Variants in MAP3K15 observed in about 807,000 individuals in gnomAD.
The protein encoded by MAP3K15 is MAPK/ERK kinase kinase 15.
In MAP3K15, 124 loss-of-function variants were observed where a neutral mutation model predicts 99.5. The ratio of observed to expected loss-of-function variants is 1.25; its 90% CI spans 1.08 to 1.45. The LOEUF (loss-of-function observed/expected upper bound fraction) is 1.45, where lower values mean the gene tolerates loss of function less well. Ranked by LOEUF, MAP3K15 falls within the 40% of genes most tolerant of loss-of-function variation. The probability of loss-of-function intolerance (pLI) is 0.00; values close to 1 mark genes in which losing one functional copy is unlikely to be tolerated. For missense variants in MAP3K15, 1,242 were observed against 1,079.7 expected (o/e 1.15, Z -2.11); for synonymous variants, 494 against 439.6 (o/e 1.12, Z -1.55).
At chrX:19,416,516 G>A (rs1413913124) in intron 9 of MAP3K15, among the ~76,000 whole-genome samples, 3 of 111,749 alleles carry the variant, frequency 2.7e-5, no homozygotes, top group African/African-American at 6.5e-5. Context: ...CCCATAGAGA[G>A]TGCCACTAGT....
intron 1 of MAP3K15, among the ~76,000 whole-genome samples, chrX:19,514,336 A>T (rs1283193348): frequency 9.5e-6 from 1 of 105,108 alleles, no homozygotes; most frequent in Non-Finnish European, 1.9e-5. Flanking sequence ...AAGTTGGATA[A>T]CTTGGGAGAA....
chrX:19,398,484 T>A, intron 14 of MAP3K15, 125 bp from the exon 15 acceptor site: 1 of 736,156 alleles, frequency 1.4e-6, no homozygotes, highest in Non-Finnish European at 2.0e-6. Flanking sequence ...GTCAGGCAAG[T>A]CACAGTGCTT....
In MAP3K15 at chrX:19,360,676, G is replaced by T; in HGVS notation, c.*73C>A. The T allele has an allele frequency of 1.3e-6, 1 of 785,168 alleles. No individual in the cohort carries two copies. Among genetic ancestry groups the T allele is most frequent in the Non-Finnish European group, 1.9e-6 (1 of 518,799 alleles). 64.7% of individuals were successfully genotyped at this position (785,168 alleles called of 1,213,427 possible). On this transcript the variant is annotated 3_prime_UTR_variant, in exon 29 of 29. Transcript: ENST00000338883. ...AATATGTAAACACAGCGGAATTCGTGTATACACTAACAGAAGCTTTAACAA... is the reference window on the plus strand; with the variant it reads ...AATATGTAAACACAGCGGAATTCGTTTATACACTAACAGAAGCTTTAACAA...
intron 5 of MAP3K15, among the ~76,000 whole-genome samples, chrX:19,457,485 G>A (rs757164184): frequency 2.7e-5 from 3 of 111,291 alleles, no homozygotes; most frequent in African/African-American, 6.5e-5. Flanking sequence ...GGTGGCGGGC[G>A]CCTGGAATCC....
At chrX:19,470,443 C>T (rs777302097) in intron 3 of MAP3K15, among the ~76,000 whole-genome samples, 2 of 109,202 alleles carry the variant, frequency 1.8e-5, no homozygotes, top group East Asian at 5.8e-4. Flanking sequence ...GGTGCTATAC[C>T]TAATGCTAAA....
intron 6 of MAP3K15, among the ~76,000 whole-genome samples, chrX:19,436,447 T>C (rs1333865533): frequency 9.0e-6 from 1 of 111,461 alleles, no homozygotes; most frequent in Non-Finnish European, 1.9e-5. Flanking sequence ...TCTTTTCACA[T>C]TGGAGTGTCC....
intron 14 of MAP3K15, among the ~76,000 whole-genome samples, chrX:19,399,134 T>C (rs2063589198): frequency 8.9e-6 from 1 of 112,221 alleles, no homozygotes; most frequent in Middle Eastern, 4.2e-3. Context: ...GGGATGTTCA[T>C]GACAATTAAG....
intron 4 of MAP3K15, among the ~76,000 whole-genome samples, chrX:19,461,043 A>C (rs907655494): frequency 1.8e-5 from 2 of 110,647 alleles, no homozygotes; most frequent in African/African-American, 6.6e-5. Context: ...GCAGTGGCAC[A>C]ATCTCGGCTC....
At chrX:19,418,270 T>C (rs1351473228) in intron 9 of MAP3K15, among the ~76,000 whole-genome samples, 1 of 110,480 alleles carries the variant, frequency 9.1e-6, no homozygotes, top group Non-Finnish European at 1.9e-5. Flanking sequence ...TTCGAACCCA[T>C]GGCAAAGAAG....
At position 19,468,316 on chromosome X, in the gene MAP3K15, G is replaced by T. The variant is rs964110405; in HGVS notation, c.526-3910C>A. ...CTTCCTGAGGTCAGACCAAGCCTTA[G>T]GGATTAGTTTTAAGGACTATTCCTG... is the stretch of plus-strand genomic sequence containing the variant. On this transcript the variant is annotated intron_variant, in intron 3 of 28. Coordinates refer to ENST00000338883, the MANE Select transcript of MAP3K15 (RefSeq NM_001001671.4). Among the ~76,000 whole-genome samples, 4 of 112,143 alleles carry T rather than the reference G, an allele frequency of 3.6e-5. No individual in the cohort carries two copies. The East Asian group carries it at 1.1e-3, about 31-fold the overall frequency.
At chrX:19,404,106 A>G (rs761858613) in intron 13 of MAP3K15, among the ~76,000 whole-genome samples, 2 of 111,941 alleles carry the variant, frequency 1.8e-5, no homozygotes, top group East Asian at 5.6e-4. Flanking sequence ...GATATTGCAC[A>G]TAGAAAACCC....
intron 1 of MAP3K15, among the ~76,000 whole-genome samples, chrX:19,506,418 A>T (rs2064477721): frequency 8.9e-6 from 1 of 111,927 alleles, no homozygotes; most frequent in Non-Finnish European, 1.9e-5. Context: ...CACACTTTAT[A>T]CCCCACAATG....
At chrX:19,490,178 C>CAT (rs1473702482) in intron 1 of MAP3K15, among the ~76,000 whole-genome samples, 35 of 93,258 alleles carry the variant, frequency 3.8e-4, no homozygotes, top group African/African-American at 1.2e-3. Context: ...CACACACACA[C>CAT]ACACACATAC....
intron 3 of MAP3K15, among the ~76,000 whole-genome samples, chrX:19,477,132 G>A (rs2064248278): frequency 1.8e-5 from 2 of 111,779 alleles, no homozygotes; most frequent in Non-Finnish European, 3.8e-5. Flanking sequence ...AAAATAGATG[G>A]GTGCCATGGA....
rs765223898 is a variant in MAP3K15 at position 19,440,612 on chromosome X, T to C, written c.996-9004A>G. 5.1e-4 allele frequency among the ~76,000 whole-genome samples: 58 copies of C among 112,680 alleles called. 1 individual carries two copies. The South Asian group carries it at 0.021, about 41-fold the overall frequency. On this transcript the variant is annotated intron_variant, in intron 6 of 28. Coordinates refer to ENST00000338883, the MANE Select transcript of MAP3K15 (RefSeq NM_001001671.4). Reference sequence around the variant, plus strand: ...TCCTGGGATGGCAAAGCACCACCTGTGAAGGCCAGGGTCTACAGTGGGCTG... The same window carrying C: ...TCCTGGGATGGCAAAGCACCACCTGCGAAGGCCAGGGTCTACAGTGGGCTG...
chrX:19,384,764 A>C lies in MAP3K15; in HGVS notation c.2432-4487T>G, dbSNP rs868516186. Among the ~76,000 whole-genome samples the C allele has an allele frequency of 6.5e-4, 67 of 103,084 alleles. 1 individual carries two copies. Among genetic ancestry groups the C allele is most frequent in the Non-Finnish European group, 9.6e-4 (49 of 50,917 alleles). 89.5% of individuals were successfully genotyped at this position (103,084 alleles called of 115,157 possible). On this transcript the variant is annotated intron_variant, in intron 18 of 28. Transcript: ENST00000338883. Reference sequence around the variant, plus strand: ...TGTCTCAGGGGAAAAAAAAAAAAAAAAAAAAAAAAAAAAAAACTGTACATT... The same window carrying C: ...TGTCTCAGGGGAAAAAAAAAAAAAACAAAAAAAAAAAAAAAACTGTACATT...
At chrX:19,438,963 C>T (rs1306457349) in intron 6 of MAP3K15, among the ~76,000 whole-genome samples, 3 of 111,927 alleles carry the variant, frequency 2.7e-5, no homozygotes, top group African/African-American at 9.8e-5. Context: ...TTTGGGAGGC[C>T]GAGACGGGCA....
At chrX:19,503,640 T>C (rs775499717) in intron 1 of MAP3K15, among the ~76,000 whole-genome samples, 1 of 110,049 alleles carries the variant, frequency 9.1e-6, no homozygotes, top group East Asian at 3.0e-4. Flanking sequence ...TTGGCCAGGA[T>C]GGTCTCAAAC....
At chrX:19,429,760 AAGAGAGAGAG>A (rs369383239) in intron 7 of MAP3K15, among the ~76,000 whole-genome samples, 369 of 33,106 alleles carry the variant, frequency 0.011, 3 homozygotes, top group Non-Finnish European at 0.017. Flanking sequence ...GTATGAAAGG[AAGAGAGAGAG>A]AGAGAGAGAG....
Sources: allele counts gnomAD v4.1 joint callset (sites outside exome capture counted in the v4.1 genomes callset), GRCh38; gene constraint gnomAD v4.1.1; transcripts MANE v1.5; gene names NCBI Gene and HGNC (gene_info 2026-07-23, HGNC 2026-07-21).